Variants in PRKN observed in about 807,000 individuals in gnomAD.
PRKN encodes the protein parkin RBR E3 ubiquitin protein ligase.
In PRKN, 56 loss-of-function variants were observed where a neutral mutation model predicts 59.5. That is an observed-to-expected ratio of 0.94 (90% confidence interval 0.76 to 1.18). PRKN has a LOEUF of 1.18. Ranked by LOEUF, PRKN falls within the 50% of genes most tolerant of loss-of-function variation. PRKN has a pLI of 0.00. For synonymous variants in PRKN, 250 were observed against 222.1 expected (o/e 1.13, Z -1.12); for missense variants, 657 against 596.4 (o/e 1.10, Z -1.06).
rs1416559130 is a variant in PRKN at position 162,568,753 on chromosome 6, G to A, written c.8-125280C>T. 6 of 746,508 alleles carry A rather than the reference G, an allele frequency of 8.0e-6. No homozygotes were observed. In the East Asian group the frequency reaches 1.5e-4, roughly 19 times the overall value. The allele number at this position is 746,508 out of a possible 1,614,324, so 46.2% of individuals were successfully genotyped here. A position where few individuals can be genotyped will look rare whatever the true frequency, so the allele number is the denominator to read the frequency against. On this transcript the variant is annotated intron_variant, in intron 1 of 11. Coordinates refer to ENST00000366898, the MANE Select transcript of PRKN (RefSeq NM_004562.3). ...TTCAAGAGCTACATCAACAACCCTAGGGGGCAGCCGGACACTCTGGTCCAG... is the reference window on the plus strand; with the variant it reads ...TTCAAGAGCTACATCAACAACCCTAAGGGGCAGCCGGACACTCTGGTCCAG...
intron 6 of PRKN, among the ~76,000 whole-genome samples, chr6:161,864,455 T>C (rs1293288440): frequency 6.6e-6 from 1 of 152,182 alleles, no homozygotes; most frequent in East Asian, 1.9e-4. Context: ...TCTTGCTATT[T>C]CCACCATATC....
At chr6:162,245,390 C>A (rs1331640569) in intron 3 of PRKN, among the ~76,000 whole-genome samples, 2 of 152,008 alleles carry the variant, frequency 1.3e-5, no homozygotes, top group Non-Finnish European at 2.9e-5. Flanking sequence ...ATAATCAAGA[C>A]ACTAATTTTT....
chr6:161,457,571 G>A lies in PRKN; in HGVS notation c.1084-70694C>T, dbSNP rs1053052205. On this transcript the variant is annotated intron_variant, in intron 9 of 11. Coordinates refer to ENST00000366898, the MANE Select transcript of PRKN (RefSeq NM_004562.3). The surrounding 1 kb of genome is among the most constrained non-coding windows in gnomAD (Gnocchi z 5.0). The stretch of plus-strand genomic sequence containing the variant: ...TGACTGCTGAATGTGTGGATAGATG[G>A]ATGGGAGGATGAATGGATGCATGAA... Among the ~76,000 whole-genome samples the A allele has an allele frequency of 2.0e-5, 3 of 152,182 alleles. No individual in the cohort carries two copies. Among genetic ancestry groups the A allele is most frequent in the African/African-American group, 7.2e-5 (3 of 41,434 alleles).
chr6:161,821,222 C>A (rs953573221), intron 6 of PRKN, among the ~76,000 whole-genome samples: 1 of 151,970 alleles, frequency 6.6e-6, no homozygotes, highest in Non-Finnish European at 1.5e-5. Context: ...ACCAACATAC[C>A]CACTGATATC....
chr6:161,934,378 T>G (rs1779278970), intron 6 of PRKN, among the ~76,000 whole-genome samples: 1 of 152,200 alleles, frequency 6.6e-6, no homozygotes, highest in African/African-American at 2.4e-5. Context: ...TACAAATGCC[T>G]ACATATATCT....
intron 2 of PRKN, among the ~76,000 whole-genome samples, chr6:162,440,606 C>T (rs1790005671): frequency 6.6e-6 from 1 of 152,070 alleles, no homozygotes; most frequent in Non-Finnish European, 1.5e-5. Flanking sequence ...TATATATGTT[C>T]ATATCACCTA....
chr6:162,652,481 T>TTA (rs1336872315), intron 1 of PRKN, among the ~76,000 whole-genome samples: 3 of 152,216 alleles, frequency 2.0e-5, no homozygotes, highest in Non-Finnish European at 4.4e-5. Context: ...AATTAGTTCC[T>TTA]TATATTTTAA....
At chr6:161,804,008 G>T (rs1009746812) in intron 6 of PRKN, among the ~76,000 whole-genome samples, 3 of 152,194 alleles carry the variant, frequency 2.0e-5, no homozygotes, top group Non-Finnish European at 4.4e-5. Flanking sequence ...AGACACATGG[G>T]GGGTGGCACA....
At chr6:162,100,374 C>T (rs1473777564) in intron 4 of PRKN, among the ~76,000 whole-genome samples, 1 of 152,040 alleles carries the variant, frequency 6.6e-6, no homozygotes, top group African/African-American at 2.4e-5. Context: ...AATTTACATT[C>T]CCACCAACAG....
At chr6:162,632,139 A>G (rs942962297) in intron 1 of PRKN, among the ~76,000 whole-genome samples, 1 of 152,160 alleles carries the variant, frequency 6.6e-6, no homozygotes, top group African/African-American at 2.4e-5. Flanking sequence ...CATTTAACCC[A>G]ACAATCCCAT....
chr6:162,157,555 G>A (rs1313552306), intron 4 of PRKN, among the ~76,000 whole-genome samples: 1 of 150,838 alleles, frequency 6.6e-6, no homozygotes, highest in African/African-American at 2.5e-5. Flanking sequence ...CTTAGAAAAT[G>A]CTTCTGCACA....
chr6:162,503,764 G>A (rs73608429), intron 1 of PRKN, among the ~76,000 whole-genome samples: 4,499 of 152,204 alleles, frequency 0.03, 218 homozygotes, highest in African/African-American at 0.1. Context: ...CGGAGGATCC[G>A]AACAGCTTTC....
intron 9 of PRKN, among the ~76,000 whole-genome samples, chr6:161,420,226 C>T (rs149940468): frequency 0.014 from 1,902 of 136,010 alleles, 50 homozygotes; most frequent in African/African-American, 0.053. Context: ...AGCGACAGAG[C>T]GAGACTATGT....
At position 162,343,258 on chromosome 6, in the gene PRKN, G is replaced by T. The variant is rs147944235; in HGVS notation, c.172-80493C>A. ...TAAGACTGTTAACCTTGGGATCAAG[G>T]GATTATTTGTTAATATTTTTAAAAT... On this transcript the variant is annotated intron_variant, in intron 2 of 11. Coordinates refer to ENST00000366898, the MANE Select transcript of PRKN (RefSeq NM_004562.3). Among the ~76,000 whole-genome samples, 153 of 152,134 alleles carry T rather than the reference G, an allele frequency of 1.0e-3. 1 individual carries two copies. The highest frequency in any genetic ancestry group is 3.4e-3 in the African/African-American group (142 of 41,500).
chr6:161,776,652 G>A (rs1789938313), intron 7 of PRKN, among the ~76,000 whole-genome samples: 2 of 152,166 alleles, frequency 1.3e-5, no homozygotes, highest in South Asian at 2.1e-4. Context: ...CATTTAATTG[G>A]TCTGAGGCAT....
intron 6 of PRKN, among the ~76,000 whole-genome samples, chr6:161,922,591 T>C (rs1235513700): frequency 6.6e-6 from 1 of 152,154 alleles, no homozygotes; most frequent in African/African-American, 2.4e-5. Context: ...TGTGGGGATA[T>C]AATATAAGTA....
chr6:162,564,125 TCA>T (rs1779961890), intron 1 of PRKN, among the ~76,000 whole-genome samples: 2 of 151,992 alleles, frequency 1.3e-5, no homozygotes, highest in Non-Finnish European at 2.9e-5. Context: ...GGTGGGTGGA[TCA>T]CAGAGTCAGG....
chr6:162,605,269 A>G (rs1041426395), intron 1 of PRKN, among the ~76,000 whole-genome samples: 12 of 152,138 alleles, frequency 7.9e-5, no homozygotes, highest in African/African-American at 2.2e-4. Context: ...ACTTCTCAAT[A>G]TATTTTTGGT....
At chr6:162,032,017 T>C (rs1322651716) in intron 5 of PRKN, among the ~76,000 whole-genome samples, 2 of 152,206 alleles carry the variant, frequency 1.3e-5, no homozygotes, top group African/African-American at 4.8e-5. Context: ...CACCCTCTGG[T>C]TGCCTTTGTA....
Sources: allele counts gnomAD v4.1 joint callset (sites outside exome capture counted in the v4.1 genomes callset), GRCh38; gene constraint gnomAD v4.1.1; non-coding constraint Gnocchi (gnomAD v3.1); transcripts MANE v1.5; gene names NCBI Gene and HGNC (gene_info 2026-07-23, HGNC 2026-07-21).